The following UBIAD1 variants were observed in gnomAD, a reference collection of about 807,000 sequenced individuals.
UBIAD1 encodes ubiA prenyltransferase domain-containing protein 1.
A neutral mutation model predicts 20.1 loss-of-function variants in UBIAD1; 12 were observed. The observed-to-expected ratio is 0.60, with a 90% CI of 0.38 to 0.97. The LOEUF is 0.97. UBIAD1 is among the 50% of genes least tolerant of loss of function. UBIAD1 has a pLI of 0.00. For synonymous variants in UBIAD1, 207 were observed against 189.2 expected, an observed-to-expected ratio of 1.09 and a Z score of -0.77; for missense variants, 333 against 419.5, an observed-to-expected ratio of 0.79 and a Z score of 1.80.
Position 11,286,165 on chromosome 1 carries a change from C to A in UBIAD1, c.*34C>A. ...GTAGCTCCCCCCACGACATGTCTCCCTTTCTTAGAATATATTAAAGTCAGA... is the reference window on the plus strand; with the variant it reads ...GTAGCTCCCCCCACGACATGTCTCCATTTCTTAGAATATATTAAAGTCAGA... On this transcript the variant is annotated 3_prime_UTR_variant, in exon 2 of 2. Coordinates refer to ENST00000376810, the MANE Select transcript of UBIAD1 (RefSeq NM_013319.3). The A allele has an allele frequency of 6.2e-7, 1 of 1,613,798 alleles. No homozygotes were observed. The highest frequency in any genetic ancestry group is 1.1e-5 in the South Asian group (1 of 91,024).
downstream of UBIAD1, among the ~76,000 whole-genome samples, chr1:11,290,745 G>A (rs552650024): frequency 2.1e-4 from 32 of 152,198 alleles, no homozygotes; most frequent in South Asian, 3.7e-3. Flanking sequence ...TTGGGAGACC[G>A]AGATGGGTGG....
At chr1:11,292,711 A>ACACT (rs1553136712), downstream of UBIAD1, among the ~76,000 whole-genome samples, 11 of 144,592 alleles carry the variant, frequency 7.6e-5, no homozygotes, top group South Asian at 2.2e-4. Context: ...ACACACACAC[A>ACACT]CTCACAGAGT....
chr1:11,275,118 C>T (rs1160347393), intron 1 of UBIAD1, among the ~76,000 whole-genome samples: 1 of 152,142 alleles, frequency 6.6e-6, no homozygotes, highest in East Asian at 1.9e-4. Flanking sequence ...TATTATGTGC[C>T]AGGCACTGTT....
At chr1:11,283,113 C>T (rs1052647066) in intron 1 of UBIAD1, among the ~76,000 whole-genome samples, 5 of 151,990 alleles carry the variant, frequency 3.3e-5, no homozygotes, top group Non-Finnish European at 7.4e-5. Context: ...CCACCTGCTT[C>T]AGCCTCCCAA....
At position 11,287,286 on chromosome 1, in the gene UBIAD1, G is replaced by A. The variant is rs781291846; in HGVS notation, c.*1155G>A. The A allele has an allele frequency of 6.6e-6, 1 of 152,278 alleles. No individual in the cohort carries two copies. The highest frequency in any genetic ancestry group is 1.5e-5 in the Non-Finnish European group (1 of 68,088). 9.4% of individuals were successfully genotyped at this position (152,278 alleles called of 1,614,324 possible). A position where few individuals can be genotyped will look rare whatever the true frequency, so the allele number is the denominator to read the frequency against. ...TCCTTGAAGACAGATGTGCAATATT[G>A]ACCCTGCCTCTCCCCAGGGCTTTGT... is the stretch of plus-strand genomic sequence containing the variant. On this transcript the variant is annotated 3_prime_UTR_variant, in exon 2 of 2. Coordinates refer to ENST00000376810, the MANE Select transcript of UBIAD1 (RefSeq NM_013319.3).
At chr1:11,296,332 G>T (rs1005792524), downstream of UBIAD1, among the ~76,000 whole-genome samples, 1 of 152,060 alleles carries the variant, frequency 6.6e-6, no homozygotes, top group Non-Finnish European at 1.5e-5. Context: ...GTCCAGGCTC[G>T]ATCACTCACC....
intron 1 of UBIAD1, among the ~76,000 whole-genome samples, chr1:11,274,423 C>G (rs1162838036): frequency 1.3e-5 from 2 of 152,010 alleles, no homozygotes; most frequent in African/African-American, 2.4e-5. Context: ...CTCAGCCTCC[C>G]GAGTAGCTGG....
intron 1 of UBIAD1, among the ~76,000 whole-genome samples, chr1:11,278,136 T>G (rs1652120004): frequency 6.6e-6 from 1 of 152,078 alleles, no homozygotes; most frequent in Non-Finnish European, 1.5e-5. Context: ...TTTTGGATTT[T>G]TTGTAGGGAC....
Position 11,273,716 on chromosome 1 carries a change from TCA to T in UBIAD1, c.189_190del (p.Pro64GlyfsTer35). ...AGGCCCTGGAGCTTCAGTGCCTCAC[TCA>T]CACCGGTGGCCCTGGGCAGTGCCCT... On this transcript the variant is annotated frameshift_variant, in exon 1 of 2. Coordinates refer to ENST00000376810, the MANE Select transcript of UBIAD1 (RefSeq NM_013319.3). LOFTEE classifies it high-confidence loss of function. The surrounding 1 kb of genome is among the most constrained non-coding windows in gnomAD (Gnocchi z 4.9). 1 of 1,614,112 alleles carries T rather than the reference TCA, an allele frequency of 6.2e-7. No individual in the cohort carries two copies. Among genetic ancestry groups the T allele is most frequent in the Non-Finnish European group, 8.5e-7 (1 of 1,180,016 alleles).
chr1:11,292,166 A>C (rs1006321169), downstream of UBIAD1: 1 of 151,942 alleles, frequency 6.6e-6, no homozygotes, highest in African/African-American at 2.4e-5. Flanking sequence ...CACCATGTCC[A>C]GCTAATTTTT....
downstream of UBIAD1, among the ~76,000 whole-genome samples, chr1:11,299,216 C>T (rs900549576): frequency 7.2e-5 from 11 of 152,318 alleles, no homozygotes; most frequent in South Asian, 6.2e-4. Flanking sequence ...ATGTCAAGGC[C>T]GCCTAACCAC....
At chr1:11,290,290 G>A (rs574415153), downstream of UBIAD1, among the ~76,000 whole-genome samples, 1 of 152,288 alleles carries the variant, frequency 6.6e-6, no homozygotes, top group African/African-American at 2.4e-5. Flanking sequence ...GCCTCTGTGG[G>A]GCCAGAGCCA....
chr1:11,296,720 A>G (rs1022390623), downstream of UBIAD1, among the ~76,000 whole-genome samples: 1 of 152,046 alleles, frequency 6.6e-6, no homozygotes, highest in South Asian at 2.1e-4. Context: ...AGATTTCACC[A>G]TGTTGCCCAG....
intron 1 of UBIAD1, among the ~76,000 whole-genome samples, chr1:11,294,141 T>G (rs1337699809): frequency 6.6e-6 from 1 of 152,202 alleles, no homozygotes; most frequent in Non-Finnish European, 1.5e-5. Flanking sequence ...TTAAATACAT[T>G]CTTTTAGTGC....
At position 11,284,390 on chromosome 1, in the gene UBIAD1, T is replaced by G. The variant is rs1272160131; in HGVS notation, c.530-1254T>G. ...GAGCCAGGTTAAAGATCTGGGACTTTTATCCCCAGGATGAGTGGTTGATAA... is the reference window on the plus strand; with the variant it reads ...GAGCCAGGTTAAAGATCTGGGACTTGTATCCCCAGGATGAGTGGTTGATAA... On this transcript the variant is annotated intron_variant, in intron 1 of 1. Coordinates refer to ENST00000376810, the MANE Select transcript of UBIAD1 (RefSeq NM_013319.3). Among the ~76,000 whole-genome samples the G allele has an allele frequency of 2.6e-5, 4 of 152,122 alleles. No homozygotes were observed. In the East Asian group the frequency reaches 7.7e-4, roughly 29 times the overall value.
intron 1 of UBIAD1, among the ~76,000 whole-genome samples, chr1:11,280,071 AGGT>A (rs1272019448): frequency 6.6e-6 from 1 of 152,204 alleles, no homozygotes; most frequent in Non-Finnish European, 1.5e-5. Flanking sequence ...AGAAAGTACA[AGGT>A]GGTGGTGAAG....
chr1:11,288,518 AG>A (rs1470297935), downstream of UBIAD1: 1 of 152,174 alleles, frequency 6.6e-6, no homozygotes, highest in Non-Finnish European at 1.5e-5. Context: ...AGGGAGACCA[AG>A]GCAGTGACAT....
At chr1:11,298,645 A>G (rs1243910404), downstream of UBIAD1, among the ~76,000 whole-genome samples, 1 of 152,186 alleles carries the variant, frequency 6.6e-6, no homozygotes, top group South Asian at 2.1e-4. The surrounding 1 kb of genome is among the most constrained non-coding windows in gnomAD (Gnocchi z 4.0). Context: ...ATGTGTGTAC[A>G]CTTATGGACA....
chr1:11,289,810 A>T (rs1018775069), downstream of UBIAD1, among the ~76,000 whole-genome samples: 3 of 152,062 alleles, frequency 2.0e-5, no homozygotes, highest in Non-Finnish European at 4.4e-5. Context: ...GGCTCACTGC[A>T]ACCTCTGCTT....
Sources: gnomAD v4.1 joint callset for allele counts (sites outside exome capture counted in the v4.1 genomes callset) on GRCh38, gnomAD v4.1.1 for gene constraint, Gnocchi (gnomAD v3.1) non-coding constraint, MANE v1.5 for transcripts, NCBI Gene and HGNC (gene_info 2026-07-23, HGNC 2026-07-21) for gene names.